Variants in PDGFRL observed in about 807,000 individuals in gnomAD.
PDGFRL encodes platelet derived growth factor receptor like.
Under a neutral mutation model 37.2 loss-of-function variants are expected in PDGFRL, and 46 were observed. That is an observed-to-expected ratio of 1.24 (90% confidence interval 0.98 to 1.58). The LOEUF (loss-of-function observed/expected upper bound fraction) is 1.58. PDGFRL is among the 40% of genes most tolerant of loss of function. PDGFRL has a pLI of 0.00. For missense variants in PDGFRL, 692 were observed against 467.6 expected (o/e 1.48, Z -4.43); for synonymous variants, 251 against 184.3 (o/e 1.36, Z -2.93).
At chr8:17,608,530 T>TA (rs1342892833) in intron 2 of PDGFRL, among the ~76,000 whole-genome samples, 1 of 152,196 alleles carries the variant, frequency 6.6e-6, no homozygotes, top group Non-Finnish European at 1.5e-5. Context: ...CACTGTCCCA[T>TA]ACAAGAGCCG....
At chr8:17,587,434 C>T (rs2150810999) in intron 1 of PDGFRL, among the ~76,000 whole-genome samples, 1 of 152,252 alleles carries the variant, frequency 6.6e-6, no homozygotes, top group East Asian at 1.9e-4. Context: ...TTACATGATA[C>T]ACAGAATACC....
At chr8:17,630,902 T>C (rs1804848177) in intron 4 of PDGFRL, among the ~76,000 whole-genome samples, 1 of 152,068 alleles carries the variant, frequency 6.6e-6, no homozygotes, top group Admixed American at 6.5e-5. Context: ...CCTCTGCTTG[T>C]ATGAACTTCT....
At chr8:17,582,543 C>G (rs1023983191) in intron 1 of PDGFRL, among the ~76,000 whole-genome samples, 2 of 143,842 alleles carry the variant, frequency 1.4e-5, no homozygotes, top group South Asian at 2.2e-4. Context: ...GATCAGGCCA[C>G]TGTACTGCAG....
chr8:17,606,912 T>C (rs1475411419), intron 2 of PDGFRL, among the ~76,000 whole-genome samples: 2 of 61,602 alleles, frequency 3.2e-5, no homozygotes, highest in Admixed American at 2.0e-4. Flanking sequence ...TTTTTTTTTT[T>C]TGAGACGGAG....
At chr8:17,606,585 C>T (rs903623724) in intron 2 of PDGFRL, among the ~76,000 whole-genome samples, 3 of 152,142 alleles carry the variant, frequency 2.0e-5, no homozygotes, top group Admixed American at 1.3e-4. Flanking sequence ...GCAGGCCCTC[C>T]GTATTTCCCC....
At chr8:17,614,992 C>T (rs1804494615) in intron 2 of PDGFRL, among the ~76,000 whole-genome samples, 1 of 152,170 alleles carries the variant, frequency 6.6e-6, no homozygotes, top group Non-Finnish European at 1.5e-5. Flanking sequence ...CTCAGGGCTT[C>T]ATGAGGATCA....
chr8:17,585,978 G>A lies in PDGFRL; in HGVS notation c.56-3490G>A, dbSNP rs368746243. Among the ~76,000 whole-genome samples, 135 of 152,132 alleles carry A rather than the reference G, an allele frequency of 8.9e-4. 1 individual carries two copies. Among genetic ancestry groups the A allele is most frequent in the Non-Finnish European group, 1.5e-3 (103 of 68,010 alleles). Reference sequence around the variant, plus strand: ...TGTTTTTTCTTTTTTTTGAGACAGAGTCTCACTCTGTTGCCCAGGCTGGAG... The same window carrying A: ...TGTTTTTTCTTTTTTTTGAGACAGAATCTCACTCTGTTGCCCAGGCTGGAG... On this transcript the variant is annotated intron_variant, in intron 1 of 5. Transcript: ENST00000251630.
chr8:17,607,514 G>A (rs1804307947), intron 2 of PDGFRL, among the ~76,000 whole-genome samples: 1 of 152,170 alleles, frequency 6.6e-6, no homozygotes, highest in South Asian at 2.1e-4. Context: ...TTAAAATACA[G>A]TAAGAAAATG....
At chr8:17,609,650 A>AAT (rs1804363744) in intron 2 of PDGFRL, among the ~76,000 whole-genome samples, 1 of 143,852 alleles carries the variant, frequency 7.0e-6, no homozygotes, top group African/African-American at 2.5e-5. Context: ...AAAAAAAAAA[A>AAT]AAAAAAAAAA....
At position 17,634,088 on chromosome 8, in the gene PDGFRL, C is replaced by G. The variant is rs779000799; in HGVS notation, c.814C>G (p.Pro272Ala). Residue 272 changes from proline to alanine, a missense_variant, in exon 5 of 6, where the codon CCC becomes GCC. Physicochemically the swap from Pro to Ala is conservative, Grantham distance 27. Transcript: ENST00000251630. ...LLYVAVPSGP[P>A]STTILASSNK... ...CTTGCTTCCAGTTCCCAGTGGCCCT[C>G]CCTCAACAACCATCTTGGCTTCTTC... 6.2e-7 allele frequency: 1 copy of G among 1,614,106 alleles called. No individual in the cohort carries two copies.
At chr8:17,607,546 G>A (rs2588121) in intron 2 of PDGFRL, among the ~76,000 whole-genome samples, 81,201 of 152,046 alleles carry the variant, frequency 0.53, 22,784 homozygotes, top group Middle Eastern at 0.63. Context: ...AAGCTAGTGC[G>A]TTAAACCAAA....
intron 1 of PDGFRL, among the ~76,000 whole-genome samples, chr8:17,580,607 A>G (rs1434493186): frequency 6.6e-6 from 1 of 152,168 alleles, no homozygotes; most frequent in African/African-American, 2.4e-5. Context: ...GAGGAAAGAT[A>G]AAGAAGTAAA....
chr8:17,633,668 C>T (rs1023662410), intron 4 of PDGFRL, among the ~76,000 whole-genome samples: 8 of 152,202 alleles, frequency 5.3e-5, no homozygotes, highest in Admixed American at 2.6e-4. Flanking sequence ...TTCTGTTCGT[C>T]TTCTGCGGAT....
chr8:17,611,150 T>G (rs1363869046), intron 2 of PDGFRL, among the ~76,000 whole-genome samples: 1 of 152,246 alleles, frequency 6.6e-6, no homozygotes, highest in Non-Finnish European at 1.5e-5. Context: ...TGCCTCTAGC[T>G]GGCCTTGTAA....
At chr8:17,583,756 T>A (rs535631736) in intron 1 of PDGFRL, among the ~76,000 whole-genome samples, 2 of 152,226 alleles carry the variant, frequency 1.3e-5, no homozygotes, top group South Asian at 4.1e-4. Context: ...CTAATTCATG[T>A]AAGAGCTGGT....
chr8:17,589,436 A>ACAG, intron 1 of PDGFRL, 32 bp from the exon 2 acceptor site: 1 of 1,541,780 alleles, frequency 6.5e-7, no homozygotes, highest in South Asian at 1.2e-5. Flanking sequence ...TGTCATTACT[A>ACAG]CAGCGCATTT....
At chr8:17,606,369 A>G (rs760410607) in intron 2 of PDGFRL, among the ~76,000 whole-genome samples, 1 of 152,158 alleles carries the variant, frequency 6.6e-6, no homozygotes, top group African/African-American at 2.4e-5. Context: ...ACAAATGAAG[A>G]TGAGGAGGCT....
At chr8:17,599,446 C>A (rs1376602255) in intron 2 of PDGFRL, among the ~76,000 whole-genome samples, 1 of 152,200 alleles carries the variant, frequency 6.6e-6, no homozygotes, top group East Asian at 1.9e-4. Flanking sequence ...CAATTCTGGG[C>A]TCTGTCATTT....
At chr8:17,580,369 AAAAG>A (rs1421222214) in intron 1 of PDGFRL, among the ~76,000 whole-genome samples, 2 of 152,178 alleles carry the variant, frequency 1.3e-5, no homozygotes, top group Non-Finnish European at 2.9e-5. Flanking sequence ...TTTAATGAAA[AAAAG>A]AATTCTAAAG....
Sources: gnomAD v4.1 joint callset for allele counts (sites outside exome capture counted in the v4.1 genomes callset) on GRCh38, gnomAD v4.1.1 for gene constraint, MANE v1.5 for transcripts, NCBI Gene and HGNC (gene_info 2026-07-23, HGNC 2026-07-21) for gene names.